KLF12: variants seen among roughly 807,000 people sequenced by gnomAD.
The protein encoded by KLF12 is Krueppel-like factor 12.
Under a neutral mutation model 37.8 loss-of-function variants are expected in KLF12, and 9 were observed. That is an observed-to-expected ratio of 0.24 (90% CI 0.14 to 0.42). The LOEUF (loss-of-function observed/expected upper bound fraction) is 0.42, where lower values mean the gene tolerates loss of function less well. Ranked by LOEUF, KLF12 falls within the 10% of genes least tolerant of loss-of-function variation. KLF12 has a pLI of 1.00. For synonymous variants in KLF12, 208 were observed against 202.1 expected (o/e 1.03, Z -0.25); for missense variants, 411 against 516.0 (o/e 0.80, Z 1.97).
intron 4 of KLF12, among the ~76,000 whole-genome samples, chr13:73,833,434 C>A (rs1884268622): frequency 1.3e-5 from 2 of 152,130 alleles, no homozygotes; most frequent in African/African-American, 4.8e-5. Context: ...ACAGCAGAAA[C>A]AATGTATTCA....
At chr13:73,898,240 C>A (rs1887879490) in intron 3 of KLF12, among the ~76,000 whole-genome samples, 1 of 152,078 alleles carries the variant, frequency 6.6e-6, no homozygotes, top group African/African-American at 2.4e-5. Context: ...GTGCCTGTGA[C>A]AAAATAAACT....
intron 6 of KLF12, among the ~76,000 whole-genome samples, chr13:73,760,119 C>T (rs1879449895): frequency 6.6e-6 from 1 of 151,972 alleles, no homozygotes; most frequent in Non-Finnish European, 1.5e-5. Flanking sequence ...CTTTTTCACA[C>T]CCAAATGTGA....
At chr13:74,163,385 G>A in the KLF12 span, among the ~76,000 whole-genome samples, 2 of 152,180 alleles carry the variant, frequency 1.3e-5, no homozygotes, top group Middle Eastern at 3.4e-3. Flanking sequence ...ACACAATGAA[G>A]TACTATTCAG....
intron 3 of KLF12, among the ~76,000 whole-genome samples, chr13:73,850,720 T>C (rs1885292844): frequency 6.6e-6 from 1 of 152,212 alleles, no homozygotes; most frequent in South Asian, 2.1e-4. Context: ...TACATGGGCA[T>C]TCACACGTAC....
chr13:74,045,034 C>T lies in KLF12; in HGVS notation c.-31-49981G>A, dbSNP rs72628051. ...AGGGGGATGAGACAAATCTCCTAAGCAGAATAATTCCAAATAATTTATGTG... is the reference window on the plus strand; with the variant it reads ...AGGGGGATGAGACAAATCTCCTAAGTAGAATAATTCCAAATAATTTATGTG... On this transcript the variant is annotated intron_variant, in intron 1 of 7. Transcript: ENST00000377669. Among the ~76,000 whole-genome samples the T allele has an allele frequency of 3.0e-3, 462 of 152,168 alleles. 21 individuals carry two copies. In the East Asian group the frequency reaches 0.081, roughly 27 times the overall value.
intron 4 of KLF12, among the ~76,000 whole-genome samples, chr13:73,823,114 C>T (rs1033624082): frequency 6.6e-6 from 1 of 152,148 alleles, no homozygotes; most frequent in African/African-American, 2.4e-5. Flanking sequence ...ATTCACTTTT[C>T]TTATTTCCCT....
chr13:73,837,409 G>T (rs1361892495), intron 4 of KLF12, among the ~76,000 whole-genome samples: 1 of 152,144 alleles, frequency 6.6e-6, no homozygotes, highest in Non-Finnish European at 1.5e-5. Context: ...CCAATTTTTT[G>T]ATGGAATCTA....
intron 3 of KLF12, among the ~76,000 whole-genome samples, chr13:73,886,992 C>T (rs79747480): frequency 2.4e-5 from 3 of 127,202 alleles, no homozygotes; most frequent in Admixed American, 7.9e-5. Flanking sequence ...AAATCCGTCT[C>T]AAAAAAAAAA....
the KLF12 span, among the ~76,000 whole-genome samples, chr13:74,199,138 G>A: frequency 1.2e-4 from 18 of 152,114 alleles, no homozygotes; most frequent in South Asian, 6.2e-4. Flanking sequence ...AAGTCAGTGC[G>A]GATCGAAAGG....
At chr13:74,024,106 C>T (rs577023608) in intron 1 of KLF12, among the ~76,000 whole-genome samples, 57 of 152,202 alleles carry the variant, frequency 3.7e-4, no homozygotes, top group Non-Finnish European at 4.6e-4. Context: ...AAAATTCATA[C>T]GAAAACTCAA....
intron 2 of KLF12, among the ~76,000 whole-genome samples, chr13:73,979,759 G>A (rs1442668486): frequency 6.6e-6 from 1 of 152,142 alleles, no homozygotes; most frequent in Non-Finnish European, 1.5e-5. Flanking sequence ...GCTGAATTTT[G>A]TCCCTTCAGA....
chr13:73,912,916 C>T (rs909595834), intron 3 of KLF12, among the ~76,000 whole-genome samples: 1 of 150,760 alleles, frequency 6.6e-6, no homozygotes, highest in Non-Finnish European at 1.5e-5. Flanking sequence ...GCTTCTCCCT[C>T]TCTCTCTCTC....
At chr13:74,293,310 C>A in the KLF12 span, among the ~76,000 whole-genome samples, 1 of 152,088 alleles carries the variant, frequency 6.6e-6, no homozygotes, top group Non-Finnish European at 1.5e-5. Context: ...TTTCTGAGGT[C>A]TACTATTTTT....
the KLF12 span, among the ~76,000 whole-genome samples, chr13:74,241,417 C>T: frequency 4.6e-5 from 7 of 152,204 alleles, no homozygotes; most frequent in African/African-American, 1.2e-4. Flanking sequence ...GCCCTGCCCC[C>T]AGAGGTGGAG....
Position 73,813,419 on chromosome 13 carries a change from G to C in KLF12, c.671-132C>G, listed in dbSNP as rs1448826258. On this transcript the variant is annotated intron_variant, in intron 4 of 7. Coordinates refer to ENST00000377669, the MANE Select transcript of KLF12 (RefSeq NM_007249.5). Reference sequence around the variant, plus strand: ...AATTCTCTAGACATCACAGGAATCAGTGAAAGCTCCAGGTTTTATGTTCTG... The same window carrying C: ...AATTCTCTAGACATCACAGGAATCACTGAAAGCTCCAGGTTTTATGTTCTG... 1.1e-5 allele frequency: 11 copies of C among 969,862 alleles called. No homozygotes were observed. The East Asian group carries it at 2.2e-4, about 20-fold the overall frequency. 60.1% of individuals were successfully genotyped at this position (969,862 alleles called of 1,614,324 possible).
intron 2 of KLF12, among the ~76,000 whole-genome samples, chr13:73,980,345 T>C (rs918446130): frequency 1.1e-4 from 16 of 152,096 alleles, no homozygotes; most frequent in Non-Finnish European, 2.2e-4. Flanking sequence ...TTCCAAAAGA[T>C]AGAAAAAGAT....
the KLF12 span, among the ~76,000 whole-genome samples, chr13:74,146,890 C>G: frequency 1.3e-5 from 2 of 152,180 alleles, no homozygotes; most frequent in Admixed American, 1.3e-4. Flanking sequence ...TTTGCACCTA[C>G]GTTGACTGAC....
intron 5 of KLF12, among the ~76,000 whole-genome samples, chr13:73,773,737 C>T (rs896891286): frequency 6.6e-6 from 1 of 152,170 alleles, no homozygotes; most frequent in Non-Finnish European, 1.5e-5. Flanking sequence ...CAAATCTCAA[C>T]ACGGCCCGAA....
At chr13:73,922,101 A>C (rs1223539099) in intron 3 of KLF12, among the ~76,000 whole-genome samples, 1 of 152,034 alleles carries the variant, frequency 6.6e-6, no homozygotes, top group Non-Finnish European at 1.5e-5. Context: ...GTTTGCATTT[A>C]ACTGAATTAA....
Sources: allele counts gnomAD v4.1 joint callset (sites outside exome capture counted in the v4.1 genomes callset), GRCh38; gene constraint gnomAD v4.1.1; transcripts MANE v1.5; gene names NCBI Gene and HGNC (gene_info 2026-07-23, HGNC 2026-07-21).